The following STT3B variants were observed in gnomAD, a reference collection of about 807,000 sequenced individuals.
The protein encoded by STT3B is dolichyl-diphosphooligosaccharide--protein glycosyltransferase subunit STT3B.
A neutral mutation model predicts 96.8 loss-of-function variants in STT3B; 29 were observed. The ratio of observed to expected loss-of-function variants is 0.30; its 90% CI spans 0.22 to 0.41. The LOEUF (loss-of-function observed/expected upper bound fraction) is 0.41. Among genes scored for constraint, STT3B ranks in the 10% least tolerant of loss-of-function variants. The pLI, the probability that STT3B is intolerant of heterozygous loss-of-function variation, is 1.00. For missense variants in STT3B, 640 were observed against 1,022.3 expected (o/e 0.63, Z 5.10); for synonymous variants, 367 against 360.0 (o/e 1.02, Z -0.22).
chr3:31,594,268 T>A (rs2125460187), intron 3 of STT3B, among the ~76,000 whole-genome samples: 1 of 152,260 alleles, frequency 6.6e-6, no homozygotes, highest in South Asian at 2.1e-4. Context: ...GTGTCCTCCC[T>A]ATCATTTCTG....
chr3:31,573,821 A>C (rs1404650219), intron 1 of STT3B, among the ~76,000 whole-genome samples: 3 of 152,164 alleles, frequency 2.0e-5, no homozygotes, highest in African/African-American at 7.2e-5. Context: ...GGTGAATGAC[A>C]TCCTTTCGGC....
chr3:31,551,382 A>G (rs1697556427), intron 1 of STT3B, among the ~76,000 whole-genome samples: 1 of 151,976 alleles, frequency 6.6e-6, no homozygotes, highest in Non-Finnish European at 1.5e-5. Context: ...CGCCTGGCTA[A>G]TTTTGAAAAA....
intron 14 of STT3B, among the ~76,000 whole-genome samples, chr3:31,632,603 T>A (rs953649065): frequency 3.3e-5 from 5 of 151,568 alleles, no homozygotes; most frequent in African/African-American, 1.2e-4. Context: ...AGAAGCCCCT[T>A]GGGTGTGTTC....
chr3:31,570,779 G>T (rs779709758), intron 1 of STT3B, among the ~76,000 whole-genome samples: 1 of 152,148 alleles, frequency 6.6e-6, no homozygotes, highest in Non-Finnish European at 1.5e-5. Flanking sequence ...TAGTCAAGGA[G>T]CAGGGATAGG....
At chr3:31,539,826 G>T (rs1281742330) in intron 1 of STT3B, among the ~76,000 whole-genome samples, 1 of 152,052 alleles carries the variant, frequency 6.6e-6, no homozygotes, top group Non-Finnish European at 1.5e-5. Context: ...GATTTATTTT[G>T]TCTATAAAAA....
At chr3:31,560,902 C>T (rs1697862123) in intron 1 of STT3B, among the ~76,000 whole-genome samples, 1 of 151,972 alleles carries the variant, frequency 6.6e-6, no homozygotes, top group Non-Finnish European at 1.5e-5. Flanking sequence ...TATTTGTTCA[C>T]TTTCTGTTGT....
rs1000033641 is a variant in STT3B, at chr3:31,637,274, T to A, written c.*1210T>A. The stretch of plus-strand genomic sequence containing the variant: ...CCTGCCACAGGATATAACTTTTTTT[T>A]ATATAACAAGCATAACACACCACTG... On this transcript the variant is annotated 3_prime_UTR_variant, in exon 16 of 16. Coordinates refer to ENST00000295770, the MANE Select transcript of STT3B (RefSeq NM_178862.3). 7 of 152,204 alleles carry A rather than the reference T, an allele frequency of 4.6e-5. No homozygotes were observed. Among genetic ancestry groups the A allele is most frequent in the Non-Finnish European group, 1.0e-4 (7 of 68,018 alleles). 9.4% of individuals were successfully genotyped at this position (152,204 alleles called of 1,614,324 possible).
At chr3:31,550,302 G>A (rs1697520541) in intron 1 of STT3B, among the ~76,000 whole-genome samples, 1 of 152,176 alleles carries the variant, frequency 6.6e-6, no homozygotes, top group East Asian at 1.9e-4. Context: ...GCTCTAAGGA[G>A]TCTTCAAGAC....
chr3:31,624,822 A>G, intron 11 of STT3B, 92 bp from the exon 12 acceptor site: 1 of 959,986 alleles, frequency 1.0e-6, no homozygotes, highest in Non-Finnish European at 1.6e-6. Flanking sequence ...TTAAAATCTG[A>G]AAGTATTCAG....
At chr3:31,604,561 G>A (rs913899308) in intron 5 of STT3B, among the ~76,000 whole-genome samples, 1 of 152,072 alleles carries the variant, frequency 6.6e-6, no homozygotes, top group African/African-American at 2.4e-5. Context: ...TTTATTAAGT[G>A]TTGAAAAAAT....
intron 3 of STT3B, among the ~76,000 whole-genome samples, chr3:31,589,814 A>G (rs140958305): frequency 2.0e-5 from 3 of 151,968 alleles, no homozygotes; most frequent in Admixed American, 2.0e-4. Flanking sequence ...TTTTTCCCAA[A>G]CTGTATACCT....
intron 8 of STT3B, among the ~76,000 whole-genome samples, chr3:31,618,456 T>G (rs1013593160): frequency 7.5e-5 from 11 of 146,682 alleles, no homozygotes; most frequent in Middle Eastern, 3.6e-3. Flanking sequence ...TCTGTTGTGG[T>G]TTTTTTTTTT....
chr3:31,619,883 T>C (rs1699388886), intron 9 of STT3B, 53 bp downstream of exon 9: 4 of 1,561,554 alleles, frequency 2.6e-6, no homozygotes, highest in Admixed American at 4.1e-5. Context: ...TTTTTCTTTT[T>C]GAGATTATTT....
intron 11 of STT3B, 65 bp from the exon 12 acceptor site, chr3:31,624,849 G>T: frequency 7.5e-7 from 1 of 1,336,794 alleles, no homozygotes; most frequent in East Asian, 2.3e-5. Flanking sequence ...AATACCTCAA[G>T]ATTTTAAGTT....
In STT3B at chr3:31,615,162, G is replaced by A; in HGVS notation, c.935G>A (p.Gly312Glu). The stretch of plus-strand genomic sequence containing the variant: ...TTATCAATGCAGATACCTTTTGTGG[G>A]ATTCCAGCCAATCAGAACAAGTGAA... ...LILSMQIPFV[G>E]FQPIRTSEHM... Residue 312 changes from glycine (G) to glutamate (E), a missense_variant, in exon 6 of 16, where the codon GGA becomes GAA. By Grantham distance (98) the Gly-to-Glu change is moderately conservative (BLOSUM62 -2). Transcript: ENST00000295770. 1 of 1,611,344 alleles carries A rather than the reference G, an allele frequency of 6.2e-7. No homozygotes were observed. The highest frequency in any genetic ancestry group is 8.5e-7 in the Non-Finnish European group (1 of 1,178,124).
intron 1 of STT3B, among the ~76,000 whole-genome samples, chr3:31,534,680 G>A (rs74407495): frequency 0.037 from 5,668 of 152,176 alleles, 173 homozygotes; most frequent in Non-Finnish European, 0.054. Context: ...AATTGGTACT[G>A]CAACATCTAT....
At position 31,563,959 on chromosome 3, in the gene STT3B, G is replaced by A. The variant is rs542459951; in HGVS notation, c.315-12437G>A. On this transcript the variant is annotated intron_variant, in intron 1 of 15. Coordinates refer to ENST00000295770, the MANE Select transcript of STT3B (RefSeq NM_178862.3). ...TAGCTGACTGCAGCAGGTGTTTTCC[G>A]TTTCTGTATACAATACTAAATGGTT... Among the ~76,000 whole-genome samples the A allele has an allele frequency of 4.6e-5, 7 of 152,042 alleles. No homozygotes were observed. The East Asian group carries it at 5.8e-4, about 13-fold the overall frequency.
At chr3:31,561,345 A>G (rs1219949928) in intron 1 of STT3B, among the ~76,000 whole-genome samples, 1 of 152,106 alleles carries the variant, frequency 6.6e-6, no homozygotes, top group Non-Finnish European at 1.5e-5. Context: ...ATATTTTGAT[A>G]TAGACTTACA....
intron 5 of STT3B, among the ~76,000 whole-genome samples, chr3:31,610,188 T>C (rs545311488): frequency 7.9e-5 from 12 of 152,326 alleles, no homozygotes; most frequent in African/African-American, 2.9e-4. Context: ...TAACCAGAAG[T>C]GATTACAAAG....
Sources: allele counts gnomAD v4.1 joint callset (sites outside exome capture counted in the v4.1 genomes callset), GRCh38; gene constraint gnomAD v4.1.1; transcripts MANE v1.5; gene names NCBI Gene and HGNC (gene_info 2026-07-23, HGNC 2026-07-21).